Variants in CLDN10 observed in about 807,000 individuals in gnomAD.
CLDN10 encodes claudin-10.
In CLDN10, 15 loss-of-function variants were observed where a neutral mutation model predicts 22.9. The ratio of observed to expected loss-of-function variants is 0.65; its 90% CI spans 0.44 to 1.01. CLDN10 has a LOEUF of 1.01. Ranked by LOEUF, CLDN10 falls within the 50% of genes least tolerant of loss-of-function variation. CLDN10 has a pLI of 0.00. For synonymous variants in CLDN10, 114 were observed against 111.4 expected, an observed-to-expected ratio of 1.02 and a Z score of -0.15; for missense variants, 247 against 287.8, an observed-to-expected ratio of 0.86 and a Z score of 1.03.
intron 1 of CLDN10, among the ~76,000 whole-genome samples, chr13:95,502,786 G>T (rs931487447): frequency 2.0e-5 from 3 of 152,166 alleles, no homozygotes; most frequent in Admixed American, 6.5e-5. Flanking sequence ...CTCCCAAAGT[G>T]CTGGGACTAC....
At chr13:95,441,044 T>G (rs2042319702) in intron 1 of CLDN10, among the ~76,000 whole-genome samples, 1 of 152,208 alleles carries the variant, frequency 6.6e-6, no homozygotes, top group Non-Finnish European at 1.5e-5. Context: ...TTTATCCTGG[T>G]CTCCCCCGTA....
At chr13:95,512,685 C>T (rs1051832309) in intron 1 of CLDN10, among the ~76,000 whole-genome samples, 1 of 152,182 alleles carries the variant, frequency 6.6e-6, no homozygotes, top group African/African-American at 2.4e-5. Flanking sequence ...CTGCCACCTC[C>T]ACCACGCTGG....
At chr13:95,570,530 C>T (rs2043840295) in intron 3 of CLDN10, among the ~76,000 whole-genome samples, 2 of 152,016 alleles carry the variant, frequency 1.3e-5, no homozygotes, top group Non-Finnish European at 2.9e-5. Flanking sequence ...TCTGTGTAGA[C>T]ACTCACTGAT....
intron 1 of CLDN10, among the ~76,000 whole-genome samples, chr13:95,534,266 G>A (rs921377258): frequency 2.0e-5 from 3 of 151,842 alleles, no homozygotes; most frequent in African/African-American, 7.3e-5. Context: ...CCTTCAAATA[G>A]GAAAGAAAAA....
chr13:95,552,972 C>T lies in CLDN10; in HGVS notation c.219C>T (p.Asp73=), dbSNP rs1010607066. 7.4e-6 allele frequency: 12 copies of T among 1,613,510 alleles called. No individual in the cohort carries two copies. The highest frequency in any genetic ancestry group is 1.0e-5 in the Non-Finnish European group (12 of 1,179,910). Residue 73 remains aspartate (D), a splice_region_variant and synonymous_variant, in exon 1 of 5, where the codon GAC becomes GAT. Transcript: ENST00000299339. ...CKDFPSMLAL[D]GYIQACRGLM... is the part of the protein sequence containing the mutation. The stretch of plus-strand genomic sequence containing the variant: ...ACTTCCCCTCCATGCTGGCGCTGGA[C>T]GGTCTGCATCCCCGCGGCCCCCGCC...
chr13:95,448,990 C>T (rs899920178), intron 1 of CLDN10, among the ~76,000 whole-genome samples: 2 of 152,112 alleles, frequency 1.3e-5, no homozygotes, highest in African/African-American at 4.8e-5. Flanking sequence ...CTGCCTCCCT[C>T]GGCTTCCCAA....
At chr13:95,574,001 G>T (rs919450480) in intron 3 of CLDN10, among the ~76,000 whole-genome samples, 3 of 151,954 alleles carry the variant, frequency 2.0e-5, no homozygotes, top group African/African-American at 7.3e-5. Flanking sequence ...ATAGTTTGCT[G>T]AGAATAATGT....
At chr13:95,521,023 T>C (rs1159390098) in intron 1 of CLDN10, among the ~76,000 whole-genome samples, 4 of 152,088 alleles carry the variant, frequency 2.6e-5, no homozygotes, top group Admixed American at 6.5e-5. Flanking sequence ...AATTTTTATA[T>C]GTTGGCTTTG....
intron 1 of CLDN10, among the ~76,000 whole-genome samples, chr13:95,506,589 C>T (rs930603511): frequency 6.6e-6 from 1 of 152,182 alleles, no homozygotes; most frequent in African/African-American, 2.4e-5. Context: ...AGCCTCAGGC[C>T]CTCACTGATG....
At position 95,487,428 on chromosome 13, in the gene CLDN10, A is replaced by G. The variant is rs546656180; in HGVS notation, c.214+53381A>G. On this transcript the variant is annotated intron_variant, in intron 1 of 4. Coordinates refer to the CLDN10 transcript ENST00000376873. ...TTGGGTTCATCTGTGGAAGCATAGTAATTCTTGAAATTTCCTCTGCACTTC... is the reference window on the plus strand; with the variant it reads ...TTGGGTTCATCTGTGGAAGCATAGTGATTCTTGAAATTTCCTCTGCACTTC... Among the ~76,000 whole-genome samples, 3 of 152,318 alleles carry G rather than the reference A, an allele frequency of 2.0e-5. No homozygotes were observed. The South Asian group carries it at 6.2e-4, about 32-fold the overall frequency.
chr13:95,522,391 C>T (rs2043232383), intron 1 of CLDN10, among the ~76,000 whole-genome samples: 1 of 151,844 alleles, frequency 6.6e-6, no homozygotes, highest in East Asian at 1.9e-4. Flanking sequence ...ATTTTTATAA[C>T]TTTTCAAATA....
At chr13:95,467,529 T>TGGG (rs1555289388) in intron 1 of CLDN10, among the ~76,000 whole-genome samples, 2,190 of 150,868 alleles carry the variant, frequency 0.015, 62 homozygotes, top group African/African-American at 0.05. Context: ...TTGTTTTTTT[T>TGGG]GGGGGGGGCA....
intron 3 of CLDN10, among the ~76,000 whole-genome samples, chr13:95,570,627 C>A (rs2043841595): frequency 1.3e-5 from 2 of 151,724 alleles, no homozygotes; most frequent in Admixed American, 6.6e-5. Flanking sequence ...CTGGCCCGGG[C>A]CAGAGTCCTG....
At chr13:95,572,746 A>G (rs2043879013) in intron 3 of CLDN10, among the ~76,000 whole-genome samples, 1 of 152,158 alleles carries the variant, frequency 6.6e-6, no homozygotes. Flanking sequence ...AGACTATACA[A>G]TCTGGATCTG....
chr13:95,526,923 G>T (rs1345398022), intron 1 of CLDN10, among the ~76,000 whole-genome samples: 1 of 152,126 alleles, frequency 6.6e-6, no homozygotes, highest in Non-Finnish European at 1.5e-5. Context: ...TTTGGAACAG[G>T]TGTCCCCTAG....
At chr13:95,505,754 T>C (rs1042512470) in intron 1 of CLDN10, among the ~76,000 whole-genome samples, 3 of 127,548 alleles carry the variant, frequency 2.4e-5, no homozygotes, top group Admixed American at 7.4e-5. Context: ...CCTTTCTTTT[T>C]TTTTTTTTTT....
At chr13:95,473,783 A>T (rs900492850) in intron 1 of CLDN10, among the ~76,000 whole-genome samples, 1 of 152,184 alleles carries the variant, frequency 6.6e-6, no homozygotes, top group Non-Finnish European at 1.5e-5. Flanking sequence ...CATCTGGAGA[A>T]TCACCGGTGA....
intron 1 of CLDN10, among the ~76,000 whole-genome samples, chr13:95,528,801 A>T (rs1399123803): frequency 6.6e-6 from 1 of 152,228 alleles, no homozygotes; most frequent in Non-Finnish European, 1.5e-5. Flanking sequence ...GAGCCATTTT[A>T]TTAAATGGGT....
chr13:95,449,889 G>A (rs550344832), intron 1 of CLDN10, among the ~76,000 whole-genome samples: 348 of 152,070 alleles, frequency 2.3e-3, no homozygotes, highest in Non-Finnish European at 3.5e-3. Context: ...GACTACAGGC[G>A]CCCGCCACCA....
Sources: allele counts gnomAD v4.1 joint callset (sites outside exome capture counted in the v4.1 genomes callset), GRCh38; gene constraint gnomAD v4.1.1; transcripts MANE v1.5; gene names NCBI Gene and HGNC (gene_info 2026-07-23, HGNC 2026-07-21).